RFX1: variants seen among roughly 807,000 people sequenced by gnomAD.
The protein encoded by RFX1 is MHC class II regulatory factor RFX1.
In RFX1, 42 loss-of-function variants were observed where a neutral mutation model predicts 119.6. That is an observed-to-expected ratio of 0.35 (90% CI 0.27 to 0.45). The LOEUF is 0.45. Ranked by LOEUF, RFX1 falls within the 20% of genes least tolerant of loss-of-function variation. The pLI is 1.00. For synonymous variants in RFX1, 628 were observed against 618.5 expected, an observed-to-expected ratio of 1.02 and a Z score of -0.23; for missense variants, 1,118 against 1,368.1, an observed-to-expected ratio of 0.82 and a Z score of 2.88.
rs544690413 is a variant in RFX1, at chr19:13,979,593, A to G, written c.739-51T>C. 29 of 1,357,966 alleles carry G rather than the reference A, an allele frequency of 2.1e-5. No homozygotes were observed. The Admixed American group carries it at 2.8e-4, about 13-fold the overall frequency. The allele number at this position is 1,357,966 out of a possible 1,614,324, so 84.1% of individuals were successfully genotyped here. A position where few individuals can be genotyped will look rare whatever the true frequency, so the allele number is the denominator to read the frequency against. On this transcript the variant is annotated intron_variant, in intron 6 of 20. Coordinates refer to ENST00000254325, the MANE Select transcript of RFX1 (RefSeq NM_002918.5). The stretch of plus-strand genomic sequence containing the variant: ...ATGACCATGGCAACGATGGCCGTCA[A>G]CCTACCCAGCCCCTGCACAGGTGAG...
Position 13,970,021 on chromosome 19 carries a change from C to T in RFX1, c.1469G>A (p.Gly490Asp). The T allele has an allele frequency of 6.2e-7, 1 of 1,613,230 alleles. No individual in the cohort carries two copies. The highest frequency in any genetic ancestry group is 8.5e-7 in the Non-Finnish European group (1 of 1,179,572). ...GGTGCCCAGACGGCGGGTTCGCAGG[C>T]CCATGAAGACGGAGCGGATGAGCTT... ...FGKLIRSVFM[G>D]LRTRRLGTRG... The change falls in exon 10 of 21, where the codon GGC becomes GAC. Residue 490 changes from glycine (G) to aspartate (D), a missense_variant. Gly to Asp is a moderately conservative substitution (Grantham distance 94). This residue lies in a region of RFX1 where 338 missense variants were observed against 508.9 expected (regional missense o/e 0.66). Transcript: ENST00000254325.
intron 2 of RFX1, among the ~76,000 whole-genome samples, chr19:13,991,863 T>C (rs1241093772): frequency 6.6e-6 from 1 of 152,108 alleles, no homozygotes; most frequent in Non-Finnish European, 1.5e-5. Context: ...GGTCTCACCA[T>C]GTTGGCCAGG....
intron 12 of RFX1, among the ~76,000 whole-genome samples, chr19:13,967,122 T>C (rs1168964683): frequency 6.6e-6 from 1 of 152,118 alleles, no homozygotes; most frequent in East Asian, 1.9e-4. Context: ...GCACCCCAGG[T>C]TGGGGCTAGC....
intron 2 of RFX1, among the ~76,000 whole-genome samples, chr19:13,983,983 C>A (rs1032973487): frequency 1.3e-5 from 2 of 152,102 alleles, no homozygotes; most frequent in African/African-American, 4.8e-5. Context: ...CTGGAAGGAT[C>A]GAGGTGCTGG....
rs1973693836 is a variant in RFX1 at position 13,962,034 on chromosome 19, C to T, written c.*661G>A. The T allele has an allele frequency of 6.6e-6, 1 of 152,250 alleles. No homozygotes were observed. Among genetic ancestry groups the T allele is most frequent in the Non-Finnish European group, 1.5e-5 (1 of 68,078 alleles). The allele number at this position is 152,250 out of a possible 1,614,324, so 9.4% of individuals were successfully genotyped here. A position where few individuals can be genotyped will look rare whatever the true frequency, so the allele number is the denominator to read the frequency against. ...CACTCCCCGGCTCCGCGGCTCGCTG[C>T]TCTTTGGAAGCTGGAGGCCGTGCCC... is the stretch of plus-strand genomic sequence containing the variant. On this transcript the variant is annotated 3_prime_UTR_variant, in exon 21 of 21. Coordinates refer to ENST00000254325, the MANE Select transcript of RFX1 (RefSeq NM_002918.5).
chr19:13,969,711 T>G lies in RFX1; in HGVS notation c.1496+283A>C. The G allele has an allele frequency of 2.8e-6, 1 of 361,884 alleles. No individual in the cohort carries two copies. 22.4% of individuals were successfully genotyped at this position (361,884 alleles called of 1,614,324 possible). ...GCGTGCTGAATGCTAAAGAGAAAAATAAAGCAGGGTTGGGGGGTGTCGGGC... is the reference window on the plus strand; with the variant it reads ...GCGTGCTGAATGCTAAAGAGAAAAAGAAAGCAGGGTTGGGGGGTGTCGGGC... On this transcript the variant is annotated intron_variant, in intron 10 of 20. Transcript: ENST00000254325. The surrounding 1 kb of genome is among the most constrained non-coding windows in gnomAD (Gnocchi z 4.5).
chr19:13,972,142 C>T (rs1472928460), intron 9 of RFX1, among the ~76,000 whole-genome samples: 2 of 148,446 alleles, frequency 1.3e-5, no homozygotes, highest in African/African-American at 2.5e-5. Context: ...GTGCTTCAGC[C>T]TGGACGACAG....
chr19:13,981,641 G>A (rs73924073), intron 5 of RFX1, among the ~76,000 whole-genome samples: 6 of 152,270 alleles, frequency 3.9e-5, no homozygotes, highest in East Asian at 1.9e-4. Context: ...AGAGTCCCAC[G>A]AGAGGAAGTG....
intron 1 of RFX1, among the ~76,000 whole-genome samples, chr19:13,997,487 C>T (rs946817926): frequency 7.9e-5 from 12 of 152,194 alleles, no homozygotes; most frequent in East Asian, 1.9e-4. Context: ...GCTGTAAGCA[C>T]GCAGGAAATG....
intron 12 of RFX1, among the ~76,000 whole-genome samples, chr19:13,967,584 C>G (rs1375242999): frequency 6.6e-6 from 1 of 152,072 alleles, no homozygotes; most frequent in Non-Finnish European, 1.5e-5. Context: ...TCAAGCAATT[C>G]TCCTGCCTCA....
chr19:13,985,887 C>G lies in RFX1; in HGVS notation c.320-2292G>C, dbSNP rs1221755813. ...AGTGTGTGTTGGGGGCGGGGGTTGC[C>G]AGATGTGGGAGGTGTTGGGGGAGGC... On this transcript the variant is annotated intron_variant, in intron 2 of 20. Coordinates refer to ENST00000254325, the MANE Select transcript of RFX1 (RefSeq NM_002918.5). The surrounding 1 kb of genome is among the most constrained non-coding windows in gnomAD (Gnocchi z 4.3). Among the ~76,000 whole-genome samples, 1 of 151,980 alleles carries G rather than the reference C, an allele frequency of 6.6e-6. No homozygotes were observed. Among genetic ancestry groups the G allele is most frequent in the African/African-American group, 2.4e-5 (1 of 41,384 alleles).
rs146048336 is a variant in RFX1, at chr19:13,980,731, T to TGCATCCTCTCTGGGGTGGGCTC, written c.622-43_622-42insGAGCCCACCCCAGAGAGGATGC. 738,540 of 1,200,206 alleles carry TGCATCCTCTCTGGGGTGGGCTC rather than the reference T, an allele frequency of 0.62. 245,106 individuals carry two copies. Among genetic ancestry groups the TGCATCCTCTCTGGGGTGGGCTC allele is most frequent in the African/African-American group, 0.79 (51,125 of 64,492 alleles). The allele number at this position is 1,200,206 out of a possible 1,614,324, so 74.3% of individuals were successfully genotyped here. Reference sequence around the variant, plus strand: ...CACAGGAGTGCCGCTGGGGTGGGCTTGCATCCTCTCTGAGGTGGGCTCACA... The same window carrying TGCATCCTCTCTGGGGTGGGCTC: ...CACAGGAGTGCCGCTGGGGTGGGCTTGCATCCTCTCTGGGGTGGGCTCGCATCCTCTCTGAGGTGGGCTCACA... On this transcript the variant is annotated intron_variant, in intron 5 of 20. Transcript: ENST00000254325. The surrounding 1 kb of genome is among the most constrained non-coding windows in gnomAD (Gnocchi z 5.1).
chr19:13,979,854 C>A (rs1302771673), intron 6 of RFX1, among the ~76,000 whole-genome samples: 1 of 152,174 alleles, frequency 6.6e-6, no homozygotes, highest in Admixed American at 6.5e-5. Context: ...CCACACCCCC[C>A]AATGTCAACT....
In RFX1 at chr19:13,969,984, A is replaced by G; in HGVS notation, c.1496+10T>C. 1 of 1,599,856 alleles carries G rather than the reference A, an allele frequency of 6.3e-7. No homozygotes were observed. ...CCCAGGGACTGCTGGGAGTAGACGG[A>G]TGGCCCTACCTGGTGCCCAGACGGC... On this transcript the variant is annotated intron_variant, in intron 10 of 20. Coordinates refer to ENST00000254325, the MANE Select transcript of RFX1 (RefSeq NM_002918.5). This position sits in a 1 kb window ranked among gnomAD's most constrained non-coding sequence, Gnocchi z 4.5.
intron 2 of RFX1, among the ~76,000 whole-genome samples, chr19:13,987,055 T>C: frequency 6.6e-6 from 1 of 152,204 alleles, no homozygotes; most frequent in East Asian, 1.9e-4. Context: ...CACACTCCAC[T>C]TCTCTGTCTG....
In RFX1 at chr19:13,982,203, A is replaced by G. The variant is rs779664467; in HGVS notation, c.539T>C (p.Val180Ala). ...TTTGCTGCCTGGGGCTGCGCTCTGC[A>G]CCACCAGACGCTGCGTGGGAAGAGC... Reference protein sequence around the residue: ...QQALPTQRLVVQSAAPGSKGG... With the variant: ...QQALPTQRLVAQSAAPGSKGG... The change falls in exon 5 of 21, where the codon GTG (valine) becomes GCG (alanine). Residue 180 changes from valine to alanine, a missense_variant. Physicochemically the swap from Val to Ala is moderately conservative, Grantham distance 64 (BLOSUM62 0). Transcript: ENST00000254325. 13 of 1,310,150 alleles carry G rather than the reference A, an allele frequency of 9.9e-6. No homozygotes were observed. Among genetic ancestry groups the G allele is most frequent in the Non-Finnish European group, 1.2e-5 (12 of 1,021,280 alleles). The allele number at this position is 1,310,150 out of a possible 1,614,324, so 81.2% of individuals were successfully genotyped here.
intron 5 of RFX1, 25 bp downstream of exon 5, chr19:13,982,096 G>C: frequency 8.3e-7 from 1 of 1,207,912 alleles, no homozygotes; most frequent in Non-Finnish European, 1.1e-6. Context: ...CAGGGGGGAG[G>C]GCGGCCAACA....
intron 1 of RFX1, among the ~76,000 whole-genome samples, chr19:13,997,221 G>A (rs935428569): frequency 2.0e-5 from 3 of 152,154 alleles, no homozygotes; most frequent in Non-Finnish European, 4.4e-5. Flanking sequence ...TCCCTCCCCC[G>A]GGATCCAGGT....
In RFX1 at chr19:13,966,788, C is replaced by T. The variant is rs1241090430; in HGVS notation, c.1733-37G>A. The T allele has an allele frequency of 7.1e-7, 1 of 1,400,474 alleles. No homozygotes were observed. The highest frequency in any genetic ancestry group is 9.9e-7 in the Non-Finnish European group (1 of 1,007,740). 86.8% of individuals were successfully genotyped at this position (1,400,474 alleles called of 1,614,324 possible). The stretch of plus-strand genomic sequence containing the variant: ...GGGGGAACCGTGAGGCCCTTCATCC[C>T]CCTTGCCTGCCCACCCTGGGGTCCT... On this transcript the variant is annotated intron_variant, in intron 12 of 20. Coordinates refer to ENST00000254325, the MANE Select transcript of RFX1 (RefSeq NM_002918.5). This position sits in a 1 kb window ranked among gnomAD's most constrained non-coding sequence, Gnocchi z 6.3.
Sources: gnomAD v4.1 joint callset for allele counts (sites outside exome capture counted in the v4.1 genomes callset) on GRCh38, gnomAD v4.1.1 for gene constraint, gnomAD v4.1.1 regional missense constraint, Gnocchi (gnomAD v3.1) non-coding constraint, MANE v1.5 for transcripts, NCBI Gene and HGNC (gene_info 2026-07-23, HGNC 2026-07-21) for gene names.